Variants in RANBP2 observed in about 807,000 individuals in gnomAD.
RANBP2 encodes E3 SUMO-protein ligase RanBP2.
A neutral mutation model predicts 303.6 loss-of-function variants in RANBP2; 57 were observed. The observed-to-expected ratio is 0.19, with a 90% CI of 0.15 to 0.23. The LOEUF (loss-of-function observed/expected upper bound fraction) is 0.23. RANBP2 is among the 10% of genes least tolerant of loss of function. RANBP2 has a pLI of 1.00. For synonymous variants in RANBP2, 1,167 were observed against 1,301.5 expected, an observed-to-expected ratio of 0.90 and a Z score of 2.23; for missense variants, 3,138 against 3,780.8, an observed-to-expected ratio of 0.83 and a Z score of 4.46.
At chr2:109,474,698 C>T in the RANBP2 span, among the ~76,000 whole-genome samples, 1 of 152,250 alleles carries the variant, frequency 6.6e-6, no homozygotes, top group Admixed American at 6.5e-5. Flanking sequence ...TTCTCCAAAG[C>T]ATCGCAGATA....
At chr2:108,720,663 T>C (rs566243269) in intron 1 of RANBP2, among the ~76,000 whole-genome samples, 105 of 152,328 alleles carry the variant, frequency 6.9e-4, no homozygotes, top group African/African-American at 2.5e-3. Flanking sequence ...TTAATAGAAT[T>C]TGATAGGATG....
the RANBP2 span, among the ~76,000 whole-genome samples, chr2:108,835,914 A>AG: frequency 2.0e-5 from 3 of 152,182 alleles, no homozygotes; most frequent in Non-Finnish European, 4.4e-5. Flanking sequence ...CACATGGCAC[A>AG]GGGCAGAAGA....
chr2:109,562,100 C>T, the RANBP2 span, among the ~76,000 whole-genome samples: 2 of 152,016 alleles, frequency 1.3e-5, no homozygotes, highest in African/African-American at 4.8e-5. Flanking sequence ...ATAGTCCCAG[C>T]TACTCAGGAG....
At chr2:109,313,207 T>C in the RANBP2 span, among the ~76,000 whole-genome samples, 1 of 152,322 alleles carries the variant, frequency 6.6e-6, no homozygotes, top group South Asian at 2.1e-4. Context: ...AGGGAGCTTG[T>C]CTATGCCAGC....
chr2:109,666,494 C>T, the RANBP2 span, among the ~76,000 whole-genome samples: 148 of 152,294 alleles, frequency 9.7e-4, no homozygotes, highest in Middle Eastern at 6.8e-3. Context: ...TTACTAACAA[C>T]GTTTCTGAGG....
At chr2:109,448,909 T>G in the RANBP2 span, among the ~76,000 whole-genome samples, 2 of 152,180 alleles carry the variant, frequency 1.3e-5, no homozygotes, top group African/African-American at 2.4e-5. Flanking sequence ...CAAAGCTGTT[T>G]TAGCTCCACC....
At chr2:109,569,845 G>C in the RANBP2 span, among the ~76,000 whole-genome samples, 1 of 147,226 alleles carries the variant, frequency 6.8e-6, no homozygotes, top group African/African-American at 2.6e-5. Flanking sequence ...GTCACCAATG[G>C]CGTAAGAGAA....
the RANBP2 span, among the ~76,000 whole-genome samples, chr2:109,548,622 A>G: frequency 6.6e-6 from 1 of 152,066 alleles, no homozygotes; most frequent in African/African-American, 2.4e-5. Context: ...CTAAAATACA[A>G]AAAATTAACC....
At chr2:108,897,136 G>A in the RANBP2 span, 2 of 1,613,922 alleles carry the variant, frequency 1.2e-6, no homozygotes, top group East Asian at 2.2e-5. Flanking sequence ...GTGGCGCCAC[G>A]TTTTCACAAC....
Position 108,766,211 on chromosome 2 carries a change from T to C in RANBP2, c.5672T>C (p.Ile1891Thr). ...AAGTCAACCAAAGAAGGATTTTCCA[T>C]CCCTGTGTCTGCTGATGGATTTAAA... ...EFKSTKEGFS[I>T]PVSADGFKFG... Residue 1891 changes from isoleucine to threonine, a missense_variant, in exon 20 of 29, where the codon ATC becomes ACC. Transcript: ENST00000283195. 3 of 1,612,214 alleles carry C rather than the reference T, an allele frequency of 1.9e-6. No individual in the cohort carries two copies. The highest frequency in any genetic ancestry group is 1.1e-5 in the South Asian group (1 of 91,002).
chr2:108,742,724 G>C (rs1696211944), intron 7 of RANBP2, among the ~76,000 whole-genome samples: 1 of 152,170 alleles, frequency 6.6e-6, no homozygotes, highest in African/African-American at 2.4e-5. Context: ...ATTTAGTGAG[G>C]TTCACTAGGT....
At chr2:109,368,139 C>T in the RANBP2 span, among the ~76,000 whole-genome samples, 1 of 152,164 alleles carries the variant, frequency 6.6e-6, no homozygotes, top group Non-Finnish European at 1.5e-5. Flanking sequence ...CTATTTTTCT[C>T]TTAAGGTATT....
the RANBP2 span, among the ~76,000 whole-genome samples, chr2:109,421,428 C>T: frequency 6.6e-6 from 1 of 152,214 alleles, no homozygotes; most frequent in Non-Finnish European, 1.5e-5. Context: ...GCTTAGCCAC[C>T]CAAGAAGGCT....
the RANBP2 span, among the ~76,000 whole-genome samples, chr2:108,941,794 T>C: frequency 1.3e-5 from 2 of 152,170 alleles, no homozygotes; most frequent in Non-Finnish European, 2.9e-5. Flanking sequence ...AAACAGCCCA[T>C]GTGTGAGGCC....
chr2:109,547,376 T>TG, the RANBP2 span, among the ~76,000 whole-genome samples: 1 of 151,664 alleles, frequency 6.6e-6, no homozygotes, highest in Non-Finnish European at 1.5e-5. Context: ...CTTGTTTTTT[T>TG]TTTTTTTTTT....
chr2:109,626,164 A>T, the RANBP2 span, among the ~76,000 whole-genome samples: 1 of 152,324 alleles, frequency 6.6e-6, no homozygotes, highest in Non-Finnish European at 1.5e-5. Flanking sequence ...TGACAGTAAC[A>T]TCTAGATGAT....
the RANBP2 span, among the ~76,000 whole-genome samples, chr2:109,583,192 T>C: frequency 1.3e-5 from 2 of 152,324 alleles, no homozygotes; most frequent in African/African-American, 4.8e-5. Context: ...AAAGAGCTTC[T>C]ACATAGCAAA....
At chr2:109,475,370 C>G in the RANBP2 span, among the ~76,000 whole-genome samples, 1 of 152,210 alleles carries the variant, frequency 6.6e-6, no homozygotes, top group African/African-American at 2.4e-5. Context: ...CAAAGCAAAC[C>G]CACGCAAAGT....
At chr2:109,287,106 A>T in the RANBP2 span, among the ~76,000 whole-genome samples, 1 of 152,190 alleles carries the variant, frequency 6.6e-6, no homozygotes, top group Non-Finnish European at 1.5e-5. Context: ...TGACATACAG[A>T]TGACAGCCAT....
Sources: gnomAD v4.1 joint callset for allele counts (sites outside exome capture counted in the v4.1 genomes callset) on GRCh38, gnomAD v4.1.1 for gene constraint, MANE v1.5 for transcripts, NCBI Gene and HGNC (gene_info 2026-07-23, HGNC 2026-07-21) for gene names.